The following CLEC16A variants were observed in gnomAD, a reference collection of about 807,000 sequenced individuals.
CLEC16A encodes C-type lectin domain containing 16A.
A neutral mutation model predicts 109.5 loss-of-function variants in CLEC16A; 51 were observed. The observed-to-expected ratio is 0.47, with a 90% CI of 0.37 to 0.59. The LOEUF is 0.59. Among genes scored for constraint, CLEC16A ranks in the 20% least tolerant of loss-of-function variants. The probability of loss-of-function intolerance (pLI) is 0.00; values close to 1 mark genes in which losing one functional copy is unlikely to be tolerated. For missense variants in CLEC16A, 1,339 were observed against 1,394.0 expected, an observed-to-expected ratio of 0.96 and a Z score of 0.63; for synonymous variants, 673 against 564.2, an observed-to-expected ratio of 1.19 and a Z score of -2.73.
At chr16:11,110,211 ACTT>A (rs1222828050) in intron 19 of CLEC16A, among the ~76,000 whole-genome samples, 2 of 152,112 alleles carry the variant, frequency 1.3e-5, no homozygotes, top group Non-Finnish European at 2.9e-5. Flanking sequence ...ATCCACAAAT[ACTT>A]CTTCAGCACC....
intron 8 of CLEC16A, among the ~76,000 whole-genome samples, chr16:10,978,514 C>T (rs544091924): frequency 1.3e-5 from 2 of 152,220 alleles, no homozygotes; most frequent in Admixed American, 6.5e-5. Flanking sequence ...TCAGGTGATA[C>T]GCCTGCCTCG....
chr16:11,099,062 G>A lies in CLEC16A; in HGVS notation c.2117-21553G>A, dbSNP rs115357768. ...CTGTGTGCTCTGCAGAGAGCGTGGC[G>A]GCTAAGGTGAGGCATGGGAGTCATA... On this transcript the variant is annotated intron_variant, in intron 19 of 23. Transcript: ENST00000409790. 8.0e-3 allele frequency among the ~76,000 whole-genome samples: 1,221 copies of A among 152,276 alleles called. 19 individuals carry two copies. The highest frequency in any genetic ancestry group is 0.028 in the African/African-American group (1,159 of 41,524).
chr16:11,072,028 CTG>C (rs1004068738), intron 19 of CLEC16A, among the ~76,000 whole-genome samples: 6 of 151,978 alleles, frequency 3.9e-5, no homozygotes, highest in African/African-American at 1.2e-4. Flanking sequence ...GAAGATAAAA[CTG>C]TGTGTGTGTG....
rs2041882182 is a variant in CLEC16A, at chr16:10,954,277, A to C, written c.81-3505A>C. Reference sequence around the variant, plus strand: ...GTCCTGTGCAGTGGCAACAGTGTGCACATCTTCAGGTTACTGTGAGTCTGT... The same window carrying C: ...GTCCTGTGCAGTGGCAACAGTGTGCCCATCTTCAGGTTACTGTGAGTCTGT... On this transcript the variant is annotated intron_variant, in intron 1 of 23. Coordinates refer to ENST00000409790, the MANE Select transcript of CLEC16A (RefSeq NM_015226.3). The surrounding 1 kb of genome is among the most constrained non-coding windows in gnomAD (Gnocchi z 4.2). 6.6e-6 allele frequency among the ~76,000 whole-genome samples: 1 copy of C among 152,232 alleles called. No individual in the cohort carries two copies. Among genetic ancestry groups the C allele is most frequent in the African/African-American group, 2.4e-5 (1 of 41,456 alleles).
At chr16:11,043,976 T>G in intron 15 of CLEC16A, 52 bp from the exon 16 acceptor site, 1 of 1,483,196 alleles carries the variant, frequency 6.7e-7, no homozygotes, top group Non-Finnish European at 9.2e-7. Context: ...TTGCCCGACT[T>G]GCTCACCTAT....
chr16:11,084,459 GA>G (rs901184679), intron 19 of CLEC16A, among the ~76,000 whole-genome samples: 1 of 152,108 alleles, frequency 6.6e-6, no homozygotes, highest in African/African-American at 2.4e-5. Flanking sequence ...TGAATGAATG[GA>G]AATGCGAGTG....
At chr16:10,984,971 G>T (rs2043538791) in intron 10 of CLEC16A, among the ~76,000 whole-genome samples, 1 of 152,126 alleles carries the variant, frequency 6.6e-6, no homozygotes, top group Non-Finnish European at 1.5e-5. Context: ...GGAGGCCGAG[G>T]CGGGCAGATC....
At chr16:11,091,400 G>A (rs932246361) in intron 19 of CLEC16A, among the ~76,000 whole-genome samples, 7 of 152,346 alleles carry the variant, frequency 4.6e-5, no homozygotes, top group Non-Finnish European at 1.0e-4. Flanking sequence ...GAGGCAGCAG[G>A]TAGAGGCAAG....
At chr16:11,027,735 A>G (rs2046495745) in intron 13 of CLEC16A, 6 of 1,563,600 alleles carry the variant, frequency 3.8e-6, no homozygotes, top group Non-Finnish European at 5.2e-6. Context: ...GGGTGAACGC[A>G]TCAATCAGCT....
At chr16:11,092,991 C>T (rs1006140975) in intron 19 of CLEC16A, among the ~76,000 whole-genome samples, 1 of 152,192 alleles carries the variant, frequency 6.6e-6, no homozygotes, top group Non-Finnish European at 1.5e-5. Flanking sequence ...GTCGAGGCCC[C>T]CATGGAGCAG....
intron 11 of CLEC16A, among the ~76,000 whole-genome samples, chr16:11,005,597 G>T (rs532226053): frequency 6.6e-6 from 1 of 152,146 alleles, no homozygotes; most frequent in Non-Finnish European, 1.5e-5. Context: ...TTCATAGACC[G>T]GTCCTGCCAG....
At chr16:11,165,753 C>A (rs74638380) in intron 22 of CLEC16A, among the ~76,000 whole-genome samples, 1 of 152,088 alleles carries the variant, frequency 6.6e-6, no homozygotes, top group Non-Finnish European at 1.5e-5. Flanking sequence ...GTCAGTTTAC[C>A]GCAGAAACGT....
At chr16:11,024,752 C>G (rs905326258) in intron 12 of CLEC16A, 69 bp from the exon 13 acceptor site, 41 of 1,208,880 alleles carry the variant, frequency 3.4e-5, no homozygotes, top group Non-Finnish European at 4.5e-5. Context: ...ACCCCATGTG[C>G]AGGTTAGAGA....
intron 15 of CLEC16A, among the ~76,000 whole-genome samples, chr16:11,043,121 T>C (rs2047441058): frequency 1.3e-5 from 2 of 152,186 alleles, no homozygotes; most frequent in African/African-American, 2.4e-5. Flanking sequence ...TTTTTTGTCT[T>C]ATACAAATGT....
intron 11 of CLEC16A, among the ~76,000 whole-genome samples, chr16:11,010,107 C>A (rs182523452): frequency 1.6e-4 from 25 of 151,770 alleles, no homozygotes; most frequent in Admixed American, 3.3e-4. Context: ...GAACTGTGAT[C>A]GTGCCACACA....
At chr16:11,134,527 G>A (rs772126445) in intron 22 of CLEC16A, among the ~76,000 whole-genome samples, 8 of 152,158 alleles carry the variant, frequency 5.3e-5, no homozygotes, top group Non-Finnish European at 8.8e-5. Context: ...CTTCAAGGCT[G>A]GCATTGGTGC....
intron 9 of CLEC16A, among the ~76,000 whole-genome samples, chr16:10,981,843 CAG>C (rs1408682868): frequency 2.0e-5 from 3 of 152,312 alleles, no homozygotes; most frequent in East Asian, 1.9e-4. Context: ...TTTTGCCCCT[CAG>C]GGGATACCTG....
chr16:11,100,880 T>C (rs1182326061), intron 19 of CLEC16A, among the ~76,000 whole-genome samples: 1 of 152,214 alleles, frequency 6.6e-6, no homozygotes, highest in Non-Finnish European at 1.5e-5. Flanking sequence ...GGGTTGAATA[T>C]ACCTTTCCAT....
rs972352766 is a variant in CLEC16A at position 11,178,723 on chromosome 16, C to T, written c.*33C>T. 2 of 1,415,238 alleles carry T rather than the reference C, an allele frequency of 1.4e-6. No individual in the cohort carries two copies. Among genetic ancestry groups the T allele is most frequent in the African/African-American group, 1.4e-5 (1 of 69,674 alleles). 87.7% of individuals were successfully genotyped at this position (1,415,238 alleles called of 1,614,324 possible). On this transcript the variant is annotated 3_prime_UTR_variant, in exon 24 of 24. Transcript: ENST00000409790. This position sits in a 1 kb window ranked among gnomAD's most constrained non-coding sequence, Gnocchi z 6.5. ...CCGGGGCCTCCCTTTGTGTGTGTGGCCCCGCTGGTAGGGACCCCAGTGCCG... is the reference window on the plus strand; with the variant it reads ...CCGGGGCCTCCCTTTGTGTGTGTGGTCCCGCTGGTAGGGACCCCAGTGCCG...
Sources: allele counts gnomAD v4.1 joint callset (sites outside exome capture counted in the v4.1 genomes callset), GRCh38; gene constraint gnomAD v4.1.1; non-coding constraint Gnocchi (gnomAD v3.1); transcripts MANE v1.5; gene names NCBI Gene and HGNC (gene_info 2026-07-23, HGNC 2026-07-21).